The following THADA variants were observed in gnomAD, a reference collection of about 807,000 sequenced individuals.
THADA encodes the protein tRNA (32-2'-O)-methyltransferase regulator THADA.
THADA carries 213 observed loss-of-function variants against 219.8 expected under a neutral mutation model. That is an observed-to-expected ratio of 0.97 (90% CI 0.87 to 1.09). The LOEUF (loss-of-function observed/expected upper bound fraction) is 1.09, where lower values mean the gene tolerates loss of function less well. Among genes scored for constraint, THADA ranks in the 50% least tolerant of loss-of-function variants. The pLI, the probability that THADA is intolerant of heterozygous loss-of-function variation, is 0.00. For synonymous variants in THADA, 1,018 were observed against 828.9 expected, an observed-to-expected ratio of 1.23 and a Z score of -3.92; for missense variants, 2,956 against 2,311.3, an observed-to-expected ratio of 1.28 and a Z score of -5.72.
chr2:43,451,393 A>G (rs1368288928), intron 26 of THADA, among the ~76,000 whole-genome samples: 29 of 152,014 alleles, frequency 1.9e-4, no homozygotes, highest in Non-Finnish European at 2.9e-5. Flanking sequence ...TCCATCCCCC[A>G]CTGTCCATTA....
chr2:43,510,344 C>T (rs957293845), intron 22 of THADA, among the ~76,000 whole-genome samples: 1 of 152,226 alleles, frequency 6.6e-6, no homozygotes. Flanking sequence ...ATTCTCTCTA[C>T]TTTTAAATAT....
intron 26 of THADA, among the ~76,000 whole-genome samples, chr2:43,472,621 C>T (rs530346440): frequency 6.6e-6 from 1 of 152,278 alleles, no homozygotes; most frequent in Admixed American, 6.5e-5. Flanking sequence ...GTTTTTAGTA[C>T]ATATAACTTC....
At chr2:43,353,893 C>A (rs531512345) in intron 29 of THADA, among the ~76,000 whole-genome samples, 17 of 151,220 alleles carry the variant, frequency 1.1e-4, no homozygotes, top group African/African-American at 3.9e-4. Flanking sequence ...TCTTGGCTCA[C>A]TGCAAGCTCC....
intron 31 of THADA, among the ~76,000 whole-genome samples, chr2:43,320,202 TGAGTA>T (rs1033945185): frequency 6.6e-6 from 1 of 152,206 alleles, no homozygotes; most frequent in Non-Finnish European, 1.5e-5. Flanking sequence ...AGAGGGTATC[TGAGTA>T]GAGTTCACTC....
intron 36 of THADA, among the ~76,000 whole-genome samples, chr2:43,274,758 G>A (rs902019206): frequency 2.6e-5 from 4 of 152,024 alleles, no homozygotes; most frequent in Admixed American, 2.0e-4. Context: ...ACTACTTGGA[G>A]ACAGTATTCC....
chr2:43,355,857 C>T (rs951335920), intron 29 of THADA, among the ~76,000 whole-genome samples: 1 of 152,014 alleles, frequency 6.6e-6, no homozygotes, highest in Admixed American at 6.6e-5. Context: ...ATGTTTGAAG[C>T]TGAGTGATGG....
chr2:43,321,176 A>G (rs1171949203), intron 30 of THADA, among the ~76,000 whole-genome samples: 1 of 152,250 alleles, frequency 6.6e-6, no homozygotes, highest in African/African-American at 2.4e-5. Flanking sequence ...AAGGATGAAG[A>G]AAGACTTTCT....
chr2:43,282,627 C>T (rs1673490671), intron 35 of THADA, among the ~76,000 whole-genome samples: 1 of 152,170 alleles, frequency 6.6e-6, no homozygotes. Context: ...CGGGATTAAA[C>T]ATGGCAGGAG....
rs1260885698 is a variant in THADA at position 43,515,011 on chromosome 2, ATTATATATT to A, written c.3375-6240_3375-6232del. Among the ~76,000 whole-genome samples the A allele has an allele frequency of 8.0e-3, 233 of 29,178 alleles. 7 individuals carry two copies. The highest frequency in any genetic ancestry group is 0.013 in the Non-Finnish European group (204 of 15,678). The allele number at this position is 29,178 out of a possible 152,430, so 19.1% of individuals were successfully genotyped here. A position where few individuals can be genotyped will look rare whatever the true frequency, so the allele number is the denominator to read the frequency against. ...ATATATAATATATAATATTATATATATTATATATTTTATATATAATATATATAAATATAT... is the reference window on the plus strand; with the variant it reads ...ATATATAATATATAATATTATATATATTATATATAATATATATAAATATAT... On this transcript the variant is annotated intron_variant, in intron 22 of 37. Transcript: ENST00000405975.
chr2:43,311,803 C>A (rs1363507855), intron 31 of THADA, among the ~76,000 whole-genome samples: 2 of 152,208 alleles, frequency 1.3e-5, no homozygotes, highest in African/African-American at 4.8e-5. Flanking sequence ...AATAGACTTT[C>A]AAAAACTACT....
At position 43,268,877 on chromosome 2, in the gene THADA, G is replaced by A. The variant is rs754595297; in HGVS notation, c.5296+10888C>T. Among the ~76,000 whole-genome samples the A allele has an allele frequency of 3.9e-5, 6 of 152,196 alleles. No individual in the cohort carries two copies. In the South Asian group the frequency reaches 6.2e-4, roughly 16 times the overall value. ...GTGCTCAGGAGGGATGCTCCCAATAGAGTCAGGCCTGAAGCTGGGGCTGGA... is the reference window on the plus strand; with the variant it reads ...GTGCTCAGGAGGGATGCTCCCAATAAAGTCAGGCCTGAAGCTGGGGCTGGA... On this transcript the variant is annotated intron_variant, in intron 36 of 37. Coordinates refer to ENST00000405975, the MANE Select transcript of THADA (RefSeq NM_022065.5).
chr2:43,538,209 T>C (rs1694852700), intron 21 of THADA, among the ~76,000 whole-genome samples: 1 of 152,098 alleles, frequency 6.6e-6, no homozygotes, highest in Admixed American at 6.5e-5. Context: ...CAACAAAATA[T>C]AACAAGCAAA....
intron 26 of THADA, among the ~76,000 whole-genome samples, chr2:43,464,297 C>A (rs1168672326): frequency 6.6e-6 from 1 of 151,684 alleles, no homozygotes; most frequent in Non-Finnish European, 1.5e-5. Flanking sequence ...AATACTCTTA[C>A]TCATCTATAA....
chr2:43,395,464 T>C (rs1673912907), intron 29 of THADA, among the ~76,000 whole-genome samples: 1 of 151,260 alleles, frequency 6.6e-6, no homozygotes, highest in Admixed American at 6.6e-5. Flanking sequence ...TCAAGGGAGA[T>C]GAGTGCTCAA....
At chr2:43,292,361 A>C in intron 32 of THADA, 139 bp from the exon 33 acceptor site, 1 of 587,490 alleles carries the variant, frequency 1.7e-6, no homozygotes, top group Middle Eastern at 4.7e-4. Context: ...TTCCCCCATA[A>C]TACCTTTGGG....
At chr2:43,487,833 C>A (rs540090067) in intron 25 of THADA, among the ~76,000 whole-genome samples, 5 of 152,236 alleles carry the variant, frequency 3.3e-5, no homozygotes, top group Admixed American at 3.3e-4. Context: ...GACTTTCCAG[C>A]CTCCAAACTG....
intron 28 of THADA, among the ~76,000 whole-genome samples, chr2:43,420,481 A>G (rs1333131308): frequency 6.6e-6 from 1 of 152,234 alleles, no homozygotes. Context: ...GCCATAGATT[A>G]TCATCATTGT....
intron 29 of THADA, among the ~76,000 whole-genome samples, chr2:43,386,122 T>C (rs1472996146): frequency 6.6e-6 from 1 of 151,946 alleles, no homozygotes; most frequent in Non-Finnish European, 1.5e-5. Flanking sequence ...AGTTCAAGAC[T>C]ATAACACACA....
chr2:43,506,913 A>G (rs937680019), intron 23 of THADA, among the ~76,000 whole-genome samples: 5 of 152,224 alleles, frequency 3.3e-5, no homozygotes, highest in African/African-American at 1.2e-4. Context: ...AAATAGTTTG[A>G]TTTAGAAGAA....
Sources: allele counts gnomAD v4.1 joint callset (sites outside exome capture counted in the v4.1 genomes callset), GRCh38; gene constraint gnomAD v4.1.1; transcripts MANE v1.5; gene names NCBI Gene and HGNC (gene_info 2026-07-23, HGNC 2026-07-21).